Variants in ATP8A2 observed in about 807,000 individuals in gnomAD.
ATP8A2 encodes the protein ATPase phospholipid transporting 8A2.
In ATP8A2, 100 loss-of-function variants were observed where a neutral mutation model predicts 165.6. The ratio of observed to expected loss-of-function variants is 0.60; its 90% CI spans 0.51 to 0.71. ATP8A2 has a LOEUF of 0.71. ATP8A2 is among the 30% of genes least tolerant of loss of function. ATP8A2 has a pLI of 0.00. For synonymous variants in ATP8A2, 543 were observed against 548.8 expected, an observed-to-expected ratio of 0.99 and a Z score of 0.15; for missense variants, 1,227 against 1,479.5, an observed-to-expected ratio of 0.83 and a Z score of 2.80.
At chr13:25,979,017 A>C (rs1211082954) in intron 35 of ATP8A2, among the ~76,000 whole-genome samples, 1 of 150,954 alleles carries the variant, frequency 6.6e-6, no homozygotes, top group East Asian at 1.9e-4. Flanking sequence ...TACAGCACAG[A>C]GCATGTCCTC....
intron 35 of ATP8A2, among the ~76,000 whole-genome samples, chr13:25,981,583 G>C (rs1417786214): frequency 6.6e-6 from 1 of 151,910 alleles, no homozygotes; most frequent in African/African-American, 2.4e-5. Flanking sequence ...AATATCTCTG[G>C]ATTTCAATAT....
chr13:25,959,342 CAT>C (rs1955603341), intron 33 of ATP8A2, among the ~76,000 whole-genome samples: 1 of 152,200 alleles, frequency 6.6e-6, no homozygotes, highest in Admixed American at 6.5e-5. Flanking sequence ...TATACCGTTC[CAT>C]GCATTGTTCC....
intron 32 of ATP8A2, 83 bp from the exon 33 acceptor site, chr13:25,862,218 C>T: frequency 1.1e-6 from 1 of 927,094 alleles, no homozygotes; most frequent in Non-Finnish European, 1.7e-6. Context: ...AGCTTGGATG[C>T]AAGGATTCTG....
chr13:25,999,778 GA>G (rs929785850), intron 35 of ATP8A2, among the ~76,000 whole-genome samples: 16 of 152,156 alleles, frequency 1.1e-4, no homozygotes, highest in Non-Finnish European at 1.5e-5. Flanking sequence ...TTAAAAAGAA[GA>G]TGCATATGGA....
chr13:25,574,683 G>A (rs1396251868), intron 18 of ATP8A2, 125 bp from the exon 19 acceptor site: 25 of 704,078 alleles, frequency 3.6e-5, no homozygotes, highest in Non-Finnish European at 6.2e-5. Context: ...AGTACATGTT[G>A]CAAAGGGCTA....
chr13:25,774,702 G>C, intron 26 of ATP8A2, 147 bp from the exon 27 acceptor site: 1 of 551,648 alleles, frequency 1.8e-6, no homozygotes, highest in Non-Finnish European at 3.2e-6. Context: ...TGAAAGCTCT[G>C]TCTTCAGAGA....
intron 1 of ATP8A2, among the ~76,000 whole-genome samples, chr13:25,436,822 C>G (rs1250961560): frequency 6.6e-6 from 1 of 151,214 alleles, no homozygotes; most frequent in Non-Finnish European, 1.5e-5. Flanking sequence ...GTCACCTAGG[C>G]TGGAGTCCAG....
intron 1 of ATP8A2, among the ~76,000 whole-genome samples, chr13:25,465,990 T>G: frequency 6.6e-6 from 1 of 151,852 alleles, no homozygotes; most frequent in African/African-American, 2.4e-5. Context: ...TAATTCATGC[T>G]TTTATCATCT....
intron 25 of ATP8A2, among the ~76,000 whole-genome samples, chr13:25,730,103 A>G (rs1223356897): frequency 6.6e-6 from 1 of 152,130 alleles, no homozygotes; most frequent in Non-Finnish European, 1.5e-5. Context: ...CAGCGTGAAC[A>G]ATATGGTGTA....
At position 25,662,496 on chromosome 13, in the gene ATP8A2, C is replaced by T. The variant is rs117393975; in HGVS notation, c.2212-36677C>T. ...CGAATATTTTTTTTCTTTATTTTAT[C>T]GAACAGGGAAGAGGTCTTTTGATTT... is the stretch of plus-strand genomic sequence containing the variant. On this transcript the variant is annotated intron_variant, in intron 24 of 36. Transcript: ENST00000381655. Among the ~76,000 whole-genome samples, 414 of 152,052 alleles carry T rather than the reference C, an allele frequency of 2.7e-3. 1 individual carries two copies. Among genetic ancestry groups the T allele is most frequent in the Non-Finnish European group, 4.2e-3 (286 of 67,988 alleles).
chr13:25,784,925 C>T (rs1345980857), intron 27 of ATP8A2, among the ~76,000 whole-genome samples: 1 of 151,778 alleles, frequency 6.6e-6, no homozygotes, highest in Non-Finnish European at 1.5e-5. Context: ...GCCACCACGC[C>T]CGGCTAATTT....
Position 25,578,896 on chromosome 13 carries a change from G to A in ATP8A2, c.1864G>A (p.Glu622Lys). ...TLCHLEYFAT[E>K]GLRTLCVAYA... ...ATGCCATCTGGAATACTTTGCCACG[G>A]AAGGTAAGTGGAATTTGGAAATGCT... The change falls in exon 21 of 37, where the codon GAA becomes AAA. Residue 622 changes from glutamate to lysine, a missense_variant. By Grantham distance (56) the Glu-to-Lys change is moderately conservative (BLOSUM62 1). This residue lies in a region of ATP8A2 where 592 missense variants were observed against 785.6 expected (regional missense o/e 0.75). Coordinates refer to ENST00000381655, the MANE Select transcript of ATP8A2 (RefSeq NM_016529.6). The A allele has an allele frequency of 1.2e-6, 2 of 1,604,582 alleles. No individual in the cohort carries two copies. Among genetic ancestry groups the A allele is most frequent in the African/African-American group, 1.3e-5 (1 of 74,890 alleles).
At chr13:25,490,900 C>A (rs144456815) in intron 2 of ATP8A2, among the ~76,000 whole-genome samples, 1 of 151,812 alleles carries the variant, frequency 6.6e-6, no homozygotes, top group Non-Finnish European at 1.5e-5. Flanking sequence ...CGTCACCATG[C>A]GTGACTAATT....
chr13:25,444,690 GGCTGGAGT>G (rs1439056284), intron 1 of ATP8A2, among the ~76,000 whole-genome samples: 2 of 151,488 alleles, frequency 1.3e-5, no homozygotes, highest in Non-Finnish European at 2.9e-5. Flanking sequence ...GTGTCGCCCA[GGCTGGAGT>G]GCAATGGTGT....
At chr13:25,412,305 G>A (rs996407326) in intron 1 of ATP8A2, among the ~76,000 whole-genome samples, 2 of 143,822 alleles carry the variant, frequency 1.4e-5, no homozygotes, top group African/African-American at 4.9e-5. Context: ...ATGCCATAAA[G>A]CAGTATTCAA....
At chr13:25,795,797 T>C (rs1264635383) in intron 27 of ATP8A2, among the ~76,000 whole-genome samples, 1 of 152,290 alleles carries the variant, frequency 6.6e-6, no homozygotes, top group East Asian at 1.9e-4. Context: ...TACTCTAGAA[T>C]TTTTTTCTGG....
chr13:25,644,465 G>A (rs11841497), intron 24 of ATP8A2, among the ~76,000 whole-genome samples: 5,236 of 150,206 alleles, frequency 0.035, 154 homozygotes, highest in East Asian at 0.13. Context: ...TCAATTTGCT[G>A]TATTATTGAG....
At chr13:25,977,112 C>T (rs1302869845) in intron 35 of ATP8A2, among the ~76,000 whole-genome samples, 1 of 149,092 alleles carries the variant, frequency 6.7e-6, no homozygotes, top group African/African-American at 2.5e-5. Context: ...CCAGCCGCAG[C>T]TCACATTTTG....
At chr13:25,391,367 C>T (rs1053902648) in intron 1 of ATP8A2, among the ~76,000 whole-genome samples, 1 of 152,164 alleles carries the variant, frequency 6.6e-6, no homozygotes, top group African/African-American at 2.4e-5. Context: ...ATCATTGATC[C>T]ACCCATTCTT....
Sources: gnomAD v4.1 joint callset for allele counts (sites outside exome capture counted in the v4.1 genomes callset) on GRCh38, gnomAD v4.1.1 for gene constraint, gnomAD v4.1.1 regional missense constraint, MANE v1.5 for transcripts, NCBI Gene and HGNC (gene_info 2026-07-23, HGNC 2026-07-21) for gene names.